RPRD1A: variants seen among roughly 807,000 people sequenced by gnomAD.
The protein encoded by RPRD1A is regulation of nuclear pre-mRNA domain containing 1A, also known as regulation of nuclear pre-mRNA domain-containing protein 1A.
RPRD1A carries 9 observed loss-of-function variants against 37.8 expected under a neutral mutation model. The observed-to-expected ratio is 0.24, with a 90% CI of 0.14 to 0.42. The LOEUF (loss-of-function observed/expected upper bound fraction) is 0.42. Among genes scored for constraint, RPRD1A ranks in the 10% least tolerant of loss-of-function variants. The pLI is 1.00. For synonymous variants in RPRD1A, 138 were observed against 139.7 expected (o/e 0.99, Z 0.08); for missense variants, 255 against 371.0 (o/e 0.69, Z 2.57).
intron 2 of RPRD1A, among the ~76,000 whole-genome samples, chr18:36,033,359 TTTGTTACA>T (rs1911951320): frequency 6.7e-6 from 1 of 149,678 alleles, no homozygotes; most frequent in Non-Finnish European, 1.5e-5. Context: ...TATGGAAATA[TTTGTTACA>T]AGACTGATAG....
chr18:36,061,457 A>G (rs990487605), intron 1 of RPRD1A, among the ~76,000 whole-genome samples: 9 of 152,236 alleles, frequency 5.9e-5, no homozygotes, highest in Non-Finnish European at 7.3e-5. Context: ...CACCAACTAC[A>G]AAGAATTTCC....
chr18:36,031,143 A>G, intron 2 of RPRD1A, 46 bp from the exon 3 acceptor site: 1 of 1,475,560 alleles, frequency 6.8e-7, no homozygotes. Context: ...AACAGTAACA[A>G]TGCATAGTGT....
intron 1 of RPRD1A, among the ~76,000 whole-genome samples, chr18:36,061,284 C>G (rs1227338551): frequency 1.3e-5 from 2 of 152,178 alleles, no homozygotes; most frequent in Admixed American, 1.3e-4. Context: ...AAACTGTTTT[C>G]CCTTTGTTTT....
At chr18:36,009,987 T>C (rs1290982885) in intron 6 of RPRD1A, among the ~76,000 whole-genome samples, 1 of 152,210 alleles carries the variant, frequency 6.6e-6, no homozygotes, top group Non-Finnish European at 1.5e-5. Flanking sequence ...ATATCTATCT[T>C]TGCCATCAAC....
intron 1 of RPRD1A, among the ~76,000 whole-genome samples, chr18:36,058,239 T>C (rs112635158): frequency 0.061 from 9,320 of 152,162 alleles, 304 homozygotes; most frequent in Non-Finnish European, 0.082. Flanking sequence ...GACAGGGTTT[T>C]GCCACGTTAC....
intron 1 of RPRD1A, among the ~76,000 whole-genome samples, chr18:36,042,498 A>G (rs147252746): frequency 9.6e-4 from 147 of 152,362 alleles, no homozygotes; most frequent in Non-Finnish European, 1.5e-3. Flanking sequence ...AGAGGGGAAC[A>G]CATGTAAAAT....
chr18:36,052,896 C>T (rs943314282), intron 1 of RPRD1A: 1 of 151,982 alleles, frequency 6.6e-6, no homozygotes, highest in Non-Finnish European at 1.5e-5. Flanking sequence ...CCACACCCAA[C>T]CTCAATTCAA....
intron 2 of RPRD1A, among the ~76,000 whole-genome samples, chr18:36,033,140 A>G (rs1451777887): frequency 1.3e-5 from 2 of 151,960 alleles, no homozygotes; most frequent in Non-Finnish European, 2.9e-5. Flanking sequence ...TGTCTCTACT[A>G]AAAACACAAA....
At chr18:36,023,066 C>T (rs2144255247) in intron 6 of RPRD1A, among the ~76,000 whole-genome samples, 1 of 152,356 alleles carries the variant, frequency 6.6e-6, no homozygotes, top group Non-Finnish European at 1.5e-5. Flanking sequence ...AACACGTGTT[C>T]TGCCACTTAT....
At position 36,047,731 on chromosome 18, in the gene RPRD1A, T is replaced by A. The variant is rs1186959106; in HGVS notation, c.152-13894A>T. 3.3e-5 allele frequency among the ~76,000 whole-genome samples: 5 copies of A among 152,174 alleles called. No homozygotes were observed. The East Asian group carries it at 7.7e-4, about 23-fold the overall frequency. ...TATAAATTTGACAACTTAGATAAAATGGACCACTTCCTCAAATAATACAAG... is the reference window on the plus strand; with the variant it reads ...TATAAATTTGACAACTTAGATAAAAAGGACCACTTCCTCAAATAATACAAG... On this transcript the variant is annotated intron_variant, in intron 1 of 6. Transcript: ENST00000399022.
intron 1 of RPRD1A, among the ~76,000 whole-genome samples, chr18:36,050,135 T>C (rs1424532026): frequency 6.6e-6 from 1 of 151,286 alleles, no homozygotes; most frequent in African/African-American, 2.4e-5. Flanking sequence ...TTTGGGAAAA[T>C]GGAAAAAAGT....
chr18:36,048,553 A>T (rs562016878), intron 1 of RPRD1A, among the ~76,000 whole-genome samples: 55 of 152,264 alleles, frequency 3.6e-4, no homozygotes, highest in Non-Finnish European at 6.2e-4. Flanking sequence ...TTAATGCAGA[A>T]GAGGCTTCTG....
chr18:36,016,688 CAT>C (rs2144227783), intron 6 of RPRD1A, among the ~76,000 whole-genome samples: 1 of 152,262 alleles, frequency 6.6e-6, no homozygotes, highest in African/African-American at 2.4e-5. Context: ...CTGGAAGTAA[CAT>C]AAATGCCAAA....
intron 6 of RPRD1A, among the ~76,000 whole-genome samples, chr18:36,020,593 T>A (rs529546576): frequency 8.3e-4 from 127 of 152,286 alleles, no homozygotes; most frequent in Non-Finnish European, 1.5e-3. Context: ...AGAGATGTTC[T>A]CTGAAATTCT....
Position 36,008,577 on chromosome 18 carries a change from G to GTGTGTGTGTATATATA in RPRD1A, c.790-15278_790-15277insTATATATACACACACA. Among the ~76,000 whole-genome samples, 19 of 47,800 alleles carry GTGTGTGTGTATATATA rather than the reference G, an allele frequency of 4.0e-4. 1 individual carries two copies. The highest frequency in any genetic ancestry group is 5.5e-4 in the Non-Finnish European group (13 of 23,524). 31.4% of individuals were successfully genotyped at this position (47,800 alleles called of 152,430 possible). On this transcript the variant is annotated intron_variant, in intron 6 of 6. Coordinates refer to ENST00000399022, the MANE Select transcript of RPRD1A (RefSeq NM_018170.5). ...GGCGACACAGCAAGACCTTGTGTGT[G>GTGTGTGTGTATATATA]TATATATATATATCTTTAAAAATCT... is the stretch of plus-strand genomic sequence containing the variant.
intron 1 of RPRD1A, among the ~76,000 whole-genome samples, chr18:36,047,713 T>A (rs1249121941): frequency 1.3e-5 from 2 of 152,048 alleles, no homozygotes; most frequent in East Asian, 3.9e-4. Context: ...GCATATAAAT[T>A]TGACAACTTA....
intron 2 of RPRD1A, 53 bp from the exon 3 acceptor site, chr18:36,031,150 G>C: frequency 6.9e-7 from 1 of 1,453,964 alleles, no homozygotes; most frequent in Non-Finnish European, 9.0e-7. Context: ...ACAATGCATA[G>C]TGTTATTGAA....
At chr18:36,037,869 G>A (rs1304366767) in intron 1 of RPRD1A, among the ~76,000 whole-genome samples, 1 of 152,156 alleles carries the variant, frequency 6.6e-6, no homozygotes. Flanking sequence ...CTGCCCTAGA[G>A]ATCTGTGGAA....
intron 6 of RPRD1A, among the ~76,000 whole-genome samples, chr18:36,008,664 T>C (rs1420424659): frequency 6.7e-6 from 1 of 148,512 alleles, no homozygotes; most frequent in Admixed American, 6.8e-5. Context: ...AAATTCTGTA[T>C]GTTTTTATAC....
Sources: gnomAD v4.1 joint callset for allele counts (sites outside exome capture counted in the v4.1 genomes callset) on GRCh38, gnomAD v4.1.1 for gene constraint, MANE v1.5 for transcripts, NCBI Gene and HGNC (gene_info 2026-07-23, HGNC 2026-07-21) for gene names.